Variants in CSNK2A2IP observed in about 807,000 individuals in gnomAD.
The protein encoded by CSNK2A2IP is casein kinase 2 subunit alpha' interacting protein.
chr3:88,403,364 C>G, the CSNK2A2IP span, among the ~76,000 whole-genome samples: 1 of 151,988 alleles, frequency 6.6e-6, no homozygotes, highest in Non-Finnish European at 1.5e-5. Flanking sequence ...TAACTTTATT[C>G]TAGACTGGCT....
chr3:88,351,163 A>G, the CSNK2A2IP span, among the ~76,000 whole-genome samples: 6 of 152,134 alleles, frequency 3.9e-5, no homozygotes, highest in Non-Finnish European at 7.4e-5. Flanking sequence ...TTGCCTCACT[A>G]AATGTATTTT....
the CSNK2A2IP span, among the ~76,000 whole-genome samples, chr3:88,410,395 T>C: frequency 6.6e-6 from 1 of 152,038 alleles, no homozygotes; most frequent in African/African-American, 2.4e-5. Context: ...GGGACTCATA[T>C]GTTTATAAAG....
the CSNK2A2IP span, among the ~76,000 whole-genome samples, chr3:88,373,066 T>C: frequency 1.3e-3 from 194 of 151,594 alleles, 2 homozygotes; most frequent in African/African-American, 4.3e-3. Flanking sequence ...CAGTAATTGA[T>C]AGAACAAGTT....
chr3:88,362,576 A>G, the CSNK2A2IP span, among the ~76,000 whole-genome samples: 1 of 152,162 alleles, frequency 6.6e-6, no homozygotes, highest in Non-Finnish European at 1.5e-5. Flanking sequence ...GACCTCTTAG[A>G]CCAGCACAGT....
At chr3:88,371,558 G>T in the CSNK2A2IP span, among the ~76,000 whole-genome samples, 1 of 151,750 alleles carries the variant, frequency 6.6e-6, no homozygotes, top group Admixed American at 6.6e-5. Flanking sequence ...AGAGGCTGGT[G>T]AAAAAGTATC....
At chr3:88,424,409 A>G in the CSNK2A2IP span, among the ~76,000 whole-genome samples, 1 of 152,200 alleles carries the variant, frequency 6.6e-6, no homozygotes, top group Non-Finnish European at 1.5e-5. Context: ...TGTACAAACA[A>G]TATTTTATTC....
At chr3:88,438,867 G>T in the CSNK2A2IP span, among the ~76,000 whole-genome samples, 7 of 152,136 alleles carry the variant, frequency 4.6e-5, no homozygotes, top group South Asian at 1.5e-3. Flanking sequence ...CTTATGATGG[G>T]TGGGGAAAGA....
At chr3:88,345,863 TG>T in the CSNK2A2IP span, among the ~76,000 whole-genome samples, 2 of 151,838 alleles carry the variant, frequency 1.3e-5, no homozygotes, top group South Asian at 4.1e-4. Context: ...AAACTAAAAA[TG>T]ATTAAGTTTA....
the CSNK2A2IP span, among the ~76,000 whole-genome samples, chr3:88,369,467 A>C: frequency 6.6e-6 from 1 of 151,978 alleles, no homozygotes; most frequent in Non-Finnish European, 1.5e-5. Context: ...TATTACTGAA[A>C]GACTGCTACA....
the CSNK2A2IP span, chr3:88,466,704 T>C: frequency 8.8e-7 from 1 of 1,133,546 alleles, no homozygotes; most frequent in Non-Finnish European, 1.1e-6. Flanking sequence ...GGGATCTCTG[T>C]AGGCAGATTT....
chr3:88,354,625 A>C, the CSNK2A2IP span, among the ~76,000 whole-genome samples: 8 of 152,330 alleles, frequency 5.3e-5, no homozygotes, highest in African/African-American at 1.9e-4. Flanking sequence ...TCACCTGTCC[A>C]CCATGGCTTG....
the CSNK2A2IP span, among the ~76,000 whole-genome samples, chr3:88,377,599 GTAA>G: frequency 6.6e-6 from 1 of 151,474 alleles, no homozygotes; most frequent in African/African-American, 2.4e-5. Context: ...AATATTAATA[GTAA>G]TAATAGTGAA....
the CSNK2A2IP span, among the ~76,000 whole-genome samples, chr3:88,366,826 G>C: frequency 6.6e-5 from 10 of 152,222 alleles, no homozygotes; most frequent in East Asian, 5.8e-4. Context: ...AGAAAAAGAG[G>C]TTTAATGAAC....
the CSNK2A2IP span, among the ~76,000 whole-genome samples, chr3:88,435,284 A>G: frequency 0.36 from 54,764 of 152,008 alleles, 11,122 homozygotes; most frequent in Non-Finnish European, 0.47. Flanking sequence ...TTCTGTTTTC[A>G]TCATCTCAGC....
chr3:88,341,169 G>T, the CSNK2A2IP span, among the ~76,000 whole-genome samples: 2 of 151,740 alleles, frequency 1.3e-5, no homozygotes, highest in Non-Finnish European at 2.9e-5. Context: ...TTTCATTTTA[G>T]GGTTTTATTG....
At chr3:88,390,272 T>C in the CSNK2A2IP span, among the ~76,000 whole-genome samples, 2 of 152,138 alleles carry the variant, frequency 1.3e-5, no homozygotes, top group South Asian at 2.1e-4. Flanking sequence ...AAACCGTCCA[T>C]GTAGCTTTTT....
At chr3:88,380,168 A>G in the CSNK2A2IP span, among the ~76,000 whole-genome samples, 3 of 152,122 alleles carry the variant, frequency 2.0e-5, no homozygotes, top group Non-Finnish European at 2.9e-5. Context: ...AAAAGAATTA[A>G]TAGAAATAAA....
chr3:88,361,315 T>C, the CSNK2A2IP span, among the ~76,000 whole-genome samples: 1 of 152,220 alleles, frequency 6.6e-6, no homozygotes, highest in Non-Finnish European at 1.5e-5. Flanking sequence ...GTGAAACTCC[T>C]CAGCTTTTGT....
At chr3:88,429,623 T>C in the CSNK2A2IP span, among the ~76,000 whole-genome samples, 1 of 152,200 alleles carries the variant, frequency 6.6e-6, no homozygotes, top group African/African-American at 2.4e-5. Flanking sequence ...CAGATGGGCC[T>C]GGATTGCAGC....
Sources: gnomAD v4.1 joint callset for allele counts (sites outside exome capture counted in the v4.1 genomes callset) on GRCh38, gnomAD v4.1.1 for gene constraint, MANE v1.5 for transcripts, NCBI Gene and HGNC (gene_info 2026-07-23, HGNC 2026-07-21) for gene names.